Variants in CUL9 observed in about 807,000 individuals in gnomAD.
CUL9 encodes the protein cullin 9, also known as cullin-9.
In CUL9, 79 loss-of-function variants were observed where a neutral mutation model predicts 272.6. That is an observed-to-expected ratio of 0.29 (90% CI 0.24 to 0.35). The LOEUF is 0.35. Among genes scored for constraint, CUL9 ranks in the 10% least tolerant of loss-of-function variants. The pLI is 1.00. For missense variants in CUL9, 2,532 were observed against 3,255.6 expected, an observed-to-expected ratio of 0.78 and a Z score of 5.41; for synonymous variants, 1,186 against 1,286.5, an observed-to-expected ratio of 0.92 and a Z score of 1.67.
intron 3 of CUL9, 128 bp downstream of exon 3, chr6:43,185,738 C>A: frequency 8.3e-7 from 1 of 1,206,192 alleles, no homozygotes; most frequent in Non-Finnish European, 1.1e-6. Flanking sequence ...TTCATGTCCT[C>A]CCTCCCAGCC....
At chr6:43,211,435 G>A (rs866333936) in intron 26 of CUL9, among the ~76,000 whole-genome samples, 8 of 152,288 alleles carry the variant, frequency 5.3e-5, no homozygotes, top group Middle Eastern at 3.4e-3. Flanking sequence ...GTGCACGCCT[G>A]TAATCCCAGC....
Position 43,206,590 on chromosome 6 carries a change from C to T in CUL9, c.5212+80C>T. 1.5e-6 allele frequency: 2 copies of T among 1,355,410 alleles called. No homozygotes were observed. Among genetic ancestry groups the T allele is most frequent in the South Asian group, 2.4e-5 (2 of 83,096 alleles). The allele number at this position is 1,355,410 out of a possible 1,614,324, so 84.0% of individuals were successfully genotyped here. On this transcript the variant is annotated intron_variant, in intron 26 of 40. Transcript: ENST00000252050. The surrounding 1 kb of genome is among the most constrained non-coding windows in gnomAD (Gnocchi z 4.8). The stretch of plus-strand genomic sequence containing the variant: ...AGAGGAAGAGGAGAGGACCTTTGGA[C>T]AGGATATAGATGTGAAGAAAAATAT...
intron 5 of CUL9, 26 bp downstream of exon 5, chr6:43,187,121 G>A (rs1562013242): frequency 1.2e-6 from 2 of 1,612,784 alleles, no homozygotes; most frequent in Non-Finnish European, 1.7e-6. Flanking sequence ...GACATGGATA[G>A]CATGTCTCTG....
At chr6:43,198,259 A>G (rs1011273742) in intron 11 of CUL9, 15 of 985,004 alleles carry the variant, frequency 1.5e-5, no homozygotes, top group Middle Eastern at 5.2e-4. Context: ...GGAAATATGT[A>G]TGTATCTTTT....
Position 43,199,315 on chromosome 6 carries a change from C to T in CUL9, c.3100C>T (p.His1034Tyr), listed in dbSNP as rs1226332529. Residue 1034 changes from histidine (H) to tyrosine (Y), a missense_variant, in exon 13 of 41, where the codon CAC (histidine) becomes TAC (tyrosine). This residue lies in a region of CUL9 where 2,218 missense variants were observed against 2,788.6 expected (regional missense o/e 0.80). Transcript: ENST00000252050. This position sits in a 1 kb window ranked among gnomAD's most constrained non-coding sequence, Gnocchi z 4.4. ...DFPEAMVLPW[H>Y]EVLEPCLNCL... The stretch of plus-strand genomic sequence containing the variant: ...CCCTGAGGCAATGGTCCTCCCCTGG[C>T]ACGAGGTCTTGGAGCCCTGCCTCAA... 2 of 1,613,560 alleles carry T rather than the reference C, an allele frequency of 1.2e-6. No homozygotes were observed. Among genetic ancestry groups the T allele is most frequent in the Non-Finnish European group, 1.7e-6 (2 of 1,179,752 alleles).
intron 1 of CUL9, among the ~76,000 whole-genome samples, chr6:43,183,785 C>T (rs1301474836): frequency 6.6e-6 from 1 of 151,352 alleles, no homozygotes; most frequent in Non-Finnish European, 1.5e-5. Context: ...CAGAATCTCA[C>T]TCTGTTGCCC....
At position 43,200,183 on chromosome 6, in the gene CUL9, T is replaced by C. The variant is rs757463576; in HGVS notation, c.3384+27T>C. 37 of 1,594,180 alleles carry C rather than the reference T, an allele frequency of 2.3e-5. No individual in the cohort carries two copies. The highest frequency in any genetic ancestry group is 3.2e-5 in the Non-Finnish European group (37 of 1,163,746). Reference sequence around the variant, plus strand: ...TGAGGAGCGGCTGTGGGTATGCAGCTGAGAGAATGCAAGTCAGAAGCAGGA... The same window carrying C: ...TGAGGAGCGGCTGTGGGTATGCAGCCGAGAGAATGCAAGTCAGAAGCAGGA... On this transcript the variant is annotated intron_variant, in intron 14 of 40. Transcript: ENST00000252050. This position sits in a 1 kb window ranked among gnomAD's most constrained non-coding sequence, Gnocchi z 4.0.
In CUL9 at chr6:43,221,121, G is replaced by A. The variant is rs747441230; in HGVS notation, c.6589-37G>A. On this transcript the variant is annotated intron_variant, in intron 33 of 40. Transcript: ENST00000252050. The surrounding 1 kb of genome is among the most constrained non-coding windows in gnomAD (Gnocchi z 4.2). ...TGCACACCAGCCATGCTGCCCTCAC[G>A]GCTCAGCTGTGTCCCCACCATGCCC... 15 of 1,603,272 alleles carry A rather than the reference G, an allele frequency of 9.4e-6. No individual in the cohort carries two copies. Among genetic ancestry groups the A allele is most frequent in the Non-Finnish European group, 1.2e-5 (14 of 1,176,514 alleles).
intron 26 of CUL9, among the ~76,000 whole-genome samples, chr6:43,211,791 G>A (rs954162912): frequency 2.0e-5 from 3 of 151,322 alleles, no homozygotes; most frequent in Non-Finnish European, 2.9e-5. Flanking sequence ...TAAAAGATAA[G>A]TACTCTTTGT....
chr6:43,221,436 C>A lies in CUL9; in HGVS notation c.6752+115C>A. On this transcript the variant is annotated intron_variant, in intron 34 of 40. Coordinates refer to ENST00000252050, the MANE Select transcript of CUL9 (RefSeq NM_015089.4). This position sits in a 1 kb window ranked among gnomAD's most constrained non-coding sequence, Gnocchi z 4.2. ...TCAGCAAAAGAGGGTGGTTCCTCAG[C>A]CGCCCCTCACGTGGCAGCCTCCACG... 1.6e-6 allele frequency: 2 copies of A among 1,264,674 alleles called. No homozygotes were observed. The highest frequency in any genetic ancestry group is 2.1e-6 in the Non-Finnish European group (2 of 933,182). 78.3% of individuals were successfully genotyped at this position (1,264,674 alleles called of 1,614,324 possible).
At position 43,214,996 on chromosome 6, in the gene CUL9, A is replaced by T. The variant is rs1018588187; in HGVS notation, c.5689-83A>T. ...TCTCTTAAAAAAAAAGGGGGGGAAA[A>T]ATAAGTGGCAGAGCTGGGCATTGAG... On this transcript the variant is annotated intron_variant, in intron 29 of 40. Coordinates refer to ENST00000252050, the MANE Select transcript of CUL9 (RefSeq NM_015089.4). 9 of 1,476,968 alleles carry T rather than the reference A, an allele frequency of 6.1e-6. No homozygotes were observed. The African/African-American group carries it at 1.1e-4, about 19-fold the overall frequency. 91.5% of individuals were successfully genotyped at this position (1,476,968 alleles called of 1,614,324 possible). A position where few individuals can be genotyped will look rare whatever the true frequency, so the allele number is the denominator to read the frequency against.
intron 26 of CUL9, among the ~76,000 whole-genome samples, chr6:43,208,287 C>T (rs956348494): frequency 6.6e-5 from 10 of 152,136 alleles, no homozygotes; most frequent in African/African-American, 1.9e-4. Flanking sequence ...CTGCAACCTC[C>T]GCCTCCTGGG....
chr6:43,183,452 C>T (rs1368350862), intron 1 of CUL9, among the ~76,000 whole-genome samples: 1 of 152,162 alleles, frequency 6.6e-6, no homozygotes, highest in Non-Finnish European at 1.5e-5. Flanking sequence ...ATCCACCTTG[C>T]AGCTTTACTC....
chr6:43,214,967 A>T (rs1009158527), intron 29 of CUL9, 112 bp from the exon 30 acceptor site: 1 of 1,290,004 alleles, frequency 7.8e-7, no homozygotes, highest in African/African-American at 1.5e-5. Context: ...ACAGAGCAAG[A>T]CTGTCTCTTA....
rs772498363 is a variant in CUL9, at chr6:43,220,615, TGA to T, written c.6423+22_6423+23del. 2 of 1,613,570 alleles carry T rather than the reference TGA, an allele frequency of 1.2e-6. No individual in the cohort carries two copies. Among genetic ancestry groups the T allele is most frequent in the Non-Finnish European group, 1.7e-6 (2 of 1,179,688 alleles). On this transcript the variant is annotated intron_variant, in intron 32 of 40. Coordinates refer to ENST00000252050, the MANE Select transcript of CUL9 (RefSeq NM_015089.4). The surrounding 1 kb of genome is among the most constrained non-coding windows in gnomAD (Gnocchi z 4.9). ...CATCTCCAAGGTATCCCCTCTCGTC[TGA>T]GAGAGGCTCCAGTGCAGAGCCAAAG...
chr6:43,193,870 T>C (rs1281204705), intron 9 of CUL9, among the ~76,000 whole-genome samples: 1 of 152,190 alleles, frequency 6.6e-6, no homozygotes, highest in South Asian at 2.1e-4. Context: ...TAGTTATTAT[T>C]AGGTGTCTGG....
At chr6:43,188,349 T>G in intron 7 of CUL9, 174 bp from the exon 8 acceptor site, 2 of 800,478 alleles carry the variant, frequency 2.5e-6, no homozygotes. Flanking sequence ...CTGGGGTGTC[T>G]TCATCTCCTT....
At chr6:43,192,942 C>A in intron 8 of CUL9, 59 bp from the exon 9 acceptor site, 1 of 1,502,482 alleles carries the variant, frequency 6.7e-7, no homozygotes, top group African/African-American at 1.4e-5. Context: ...GGTGCCATGG[C>A]TGGGAGGTCA....
At chr6:43,186,801 C>A in intron 4 of CUL9, 159 bp from the exon 5 acceptor site, 1 of 843,728 alleles carries the variant, frequency 1.2e-6, no homozygotes, top group Non-Finnish European at 1.8e-6. Flanking sequence ...GGGAAGGAAG[C>A]CTTTTGCCAT....
Sources: gnomAD v4.1 joint callset for allele counts (sites outside exome capture counted in the v4.1 genomes callset) on GRCh38, gnomAD v4.1.1 for gene constraint, gnomAD v4.1.1 regional missense constraint, Gnocchi (gnomAD v3.1) non-coding constraint, MANE v1.5 for transcripts, NCBI Gene and HGNC (gene_info 2026-07-23, HGNC 2026-07-21) for gene names.